The following IER5L variants were observed in gnomAD, a reference collection of about 807,000 sequenced individuals.
IER5L encodes immediate early response gene 5-like protein.
In IER5L, 6 loss-of-function variants were observed where a neutral mutation model predicts 28.3. The observed-to-expected ratio is 0.21, with a 90% CI of 0.12 to 0.42. IER5L has a LOEUF of 0.42. Among genes scored for constraint, IER5L ranks in the 10% least tolerant of loss-of-function variants. The pLI, the probability that IER5L is intolerant of heterozygous loss-of-function variation, is 1.00. For synonymous variants in IER5L, 351 were observed against 282.5 expected (o/e 1.24, Z -2.43); for missense variants, 607 against 575.2 (o/e 1.06, Z -0.56).
chr9:129,178,188 C>G lies in IER5L; in HGVS notation c.-136G>C, dbSNP rs1400628598. The G allele has an allele frequency of 1.5e-6, 1 of 686,730 alleles. No homozygotes were observed. The highest frequency in any genetic ancestry group is 3.5e-5 in the East Asian group (1 of 28,918). The allele number at this position is 686,730 out of a possible 1,614,324, so 42.5% of individuals were successfully genotyped here. On this transcript the variant is annotated 5_prime_UTR_variant, in exon 1 of 1. Coordinates refer to ENST00000372491, the MANE Select transcript of IER5L (RefSeq NM_203434.3). ...CCGGGTCAGAGGTTCGGCTGCGCTC[C>G]GAAAGGAGCCGCCACCATGCGCCGC... is the stretch of plus-strand genomic sequence containing the variant.
chr9:129,177,064 G>A lies in IER5L; in HGVS notation c.989C>T (p.Pro330Leu), dbSNP rs1289480906. 5 of 1,512,420 alleles carry A rather than the reference G, an allele frequency of 3.3e-6. No individual in the cohort carries two copies. The Admixed American group carries it at 8.9e-5, about 27-fold the overall frequency. The allele number at this position is 1,512,420 out of a possible 1,614,324, so 93.7% of individuals were successfully genotyped here. The change falls in exon 1 of 1, where the codon CCG (proline) becomes CTG (leucine). Residue 330 changes from proline (P) to leucine (L), a missense_variant. Pro to Leu is a moderately conservative substitution (Grantham distance 98, BLOSUM62 -3). Coordinates refer to ENST00000372491, the MANE Select transcript of IER5L (RefSeq NM_203434.3). ...GLGAEPPGGA[P>L]FAPCKRARFE... ...GCGGGCGCGCTTGCAGGGGGCGAAC[G>A]GGGCGCCCCCGGGGGGCTCGGCCCC...
Position 129,176,577 on chromosome 9 carries a change from T to TA in IER5L, c.*260dup. On this transcript the variant is annotated 3_prime_UTR_variant, in exon 1 of 1. Transcript: ENST00000372491. ...CTAAACACCACTGCAATCACTACAA[T>TA]AAAAAGAAAAAAAGGAGTAGGAGAA... 1 of 318,302 alleles carries TA rather than the reference T, an allele frequency of 3.1e-6. No homozygotes were observed. The highest frequency in any genetic ancestry group is 5.5e-6 in the Non-Finnish European group (1 of 183,076). The allele number at this position is 318,302 out of a possible 1,614,324, so 19.7% of individuals were successfully genotyped here.
In IER5L at chr9:129,178,222, C is replaced by G. The variant is rs1005971860; in HGVS notation, c.-170G>C. ...CCGCCACCATGCGCCGCGCGCCACCCGCGGGCTCGCGCTCCCCAGACGGCG... is the reference window on the plus strand; with the variant it reads ...CCGCCACCATGCGCCGCGCGCCACCGGCGGGCTCGCGCTCCCCAGACGGCG... On this transcript the variant is annotated 5_prime_UTR_variant, in exon 1 of 1. Transcript: ENST00000372491. 8.2e-6 allele frequency: 4 copies of G among 489,166 alleles called. No individual in the cohort carries two copies. The highest frequency in any genetic ancestry group is 1.2e-4 in the South Asian group (2 of 16,818). The allele number at this position is 489,166 out of a possible 1,614,324, so 30.3% of individuals were successfully genotyped here. A position where few individuals can be genotyped will look rare whatever the true frequency, so the allele number is the denominator to read the frequency against.
chr9:129,177,862 T>C lies in IER5L; in HGVS notation c.191A>G (p.Gln64Arg). 1 of 1,542,166 alleles carries C rather than the reference T, an allele frequency of 6.5e-7. No homozygotes were observed. The highest frequency in any genetic ancestry group is 8.7e-7 in the Non-Finnish European group (1 of 1,144,598). Residue 64 changes from glutamine to arginine, a missense_variant, in exon 1 of 1, where the codon CAG becomes CGG. Transcript: ENST00000372491. ...GTGCTGGTGGTGGGGCGGCTGCTGC[T>C]GTTGCTGCTGCTGCTGGCGCCGGTA... is the stretch of plus-strand genomic sequence containing the variant. The part of the protein sequence containing the change: ...ELYRRQQQQQ[Q>R]QQPPHHQHQH...
Position 129,178,193 on chromosome 9 carries a change from G to A in IER5L, c.-141C>T, listed in dbSNP as rs1332989647. On this transcript the variant is annotated 5_prime_UTR_variant, in exon 1 of 1. Transcript: ENST00000372491. Reference sequence around the variant, plus strand: ...TCAGAGGTTCGGCTGCGCTCCGAAAGGAGCCGCCACCATGCGCCGCGCGCC... The same window carrying A: ...TCAGAGGTTCGGCTGCGCTCCGAAAAGAGCCGCCACCATGCGCCGCGCGCC... 6.0e-5 allele frequency: 41 copies of A among 679,438 alleles called. No homozygotes were observed. In the South Asian group the frequency reaches 8.6e-4, roughly 14 times the overall value. 42.1% of individuals were successfully genotyped at this position (679,438 alleles called of 1,614,324 possible).
Position 129,178,111 on chromosome 9 carries a change from T to C in IER5L, c.-59A>G. Reference sequence around the variant, plus strand: ...CCGCTGCTGCTGTTAACGCTTCTGCTGTTTCTGCCTCCAGCCGGCCGCCGG... The same window carrying C: ...CCGCTGCTGCTGTTAACGCTTCTGCCGTTTCTGCCTCCAGCCGGCCGCCGG... On this transcript the variant is annotated 5_prime_UTR_variant, in exon 1 of 1. Transcript: ENST00000372491. 2 of 1,324,040 alleles carry C rather than the reference T, an allele frequency of 1.5e-6. No homozygotes were observed. Among genetic ancestry groups the C allele is most frequent in the Non-Finnish European group, 1.9e-6 (2 of 1,029,436 alleles). 82.0% of individuals were successfully genotyped at this position (1,324,040 alleles called of 1,614,324 possible).
chr9:129,177,303 G>A lies in IER5L; in HGVS notation c.750C>T (p.Cys250=), dbSNP rs1207616013. 3 of 1,443,046 alleles carry A rather than the reference G, an allele frequency of 2.1e-6. No homozygotes were observed. Among genetic ancestry groups the A allele is most frequent in the Non-Finnish European group, 2.7e-6 (3 of 1,103,304 alleles). 89.4% of individuals were successfully genotyped at this position (1,443,046 alleles called of 1,614,324 possible). ...YPTPSDFGLH[C]SSQTTVLDLD... ...GGTCCAGCACGGTGGTCTGGCTGCT[G>A]CAGTGCAAGCCGAAGTCCGAAGGGG... Residue 250 remains cysteine, a synonymous_variant, in exon 1 of 1, where the codon TGC becomes TGT. Coordinates refer to ENST00000372491, the MANE Select transcript of IER5L (RefSeq NM_203434.3).
Position 129,176,978 on chromosome 9 carries a change from T to TG in IER5L, c.1074dup (p.Ile359HisfsTer84). On this transcript the variant is annotated frameshift_variant, in exon 1 of 1. Transcript: ENST00000372491. LOFTEE classifies it high-confidence loss of function. ...AGCCCCGAGAAGCCGGAGCCAAAGA[T>TG]GGAGATCAAGTTTGAGATGTTGGAC... 1 of 1,601,744 alleles carries TG rather than the reference T, an allele frequency of 6.2e-7. No homozygotes were observed. The highest frequency in any genetic ancestry group is 8.5e-7 in the Non-Finnish European group (1 of 1,175,630).
rs1298579311 is a variant in IER5L at position 129,176,664 on chromosome 9, ATT to A, written c.*172_*173del. Reference sequence around the variant, plus strand: ...GCAAAAATAAAGTCCAAGATTTTAGATTTCTTTTTTTTTTATTTTACAATTTA... The same window carrying A: ...GCAAAAATAAAGTCCAAGATTTTAGATCTTTTTTTTTTATTTTACAATTTA... On this transcript the variant is annotated 3_prime_UTR_variant, in exon 1 of 1. Coordinates refer to ENST00000372491, the MANE Select transcript of IER5L (RefSeq NM_203434.3). 2.2e-6 allele frequency: 2 copies of A among 902,270 alleles called. No individual in the cohort carries two copies. The highest frequency in any genetic ancestry group is 2.8e-5 in the South Asian group (1 of 35,236). The allele number at this position is 902,270 out of a possible 1,614,324, so 55.9% of individuals were successfully genotyped here. A position where few individuals can be genotyped will look rare whatever the true frequency, so the allele number is the denominator to read the frequency against.
chr9:129,176,218 T>C lies in IER5L; in HGVS notation c.*620A>G, dbSNP rs973254226. On this transcript the variant is annotated 3_prime_UTR_variant, in exon 1 of 1. Transcript: ENST00000372491. The stretch of plus-strand genomic sequence containing the variant: ...CCCCGGGAAGAAAAGAAAAAAAAAG[T>C]TGAAGTGTTTTCATTTCTGCCTTCT... The C allele has an allele frequency of 6.6e-6, 1 of 152,048 alleles. No homozygotes were observed. Among genetic ancestry groups the C allele is most frequent in the African/African-American group, 2.4e-5 (1 of 41,388 alleles). 9.4% of individuals were successfully genotyped at this position (152,048 alleles called of 1,614,324 possible). A position where few individuals can be genotyped will look rare whatever the true frequency, so the allele number is the denominator to read the frequency against.
rs33956878 is a variant in IER5L, at chr9:129,176,079, C to CAA, written c.*758_*759insTT. 4.0e-3 allele frequency: 1 copy of CAA among 248 alleles called. No individual in the cohort carries two copies. The highest frequency in any genetic ancestry group is 0.013 in the Non-Finnish European group (1 of 78). The allele number at this position is 248 out of a possible 1,614,324, so 0.0% of individuals were successfully genotyped here. A position where few individuals can be genotyped will look rare whatever the true frequency, so the allele number is the denominator to read the frequency against. On this transcript the variant is annotated 3_prime_UTR_variant, in exon 1 of 1. Coordinates refer to ENST00000372491, the MANE Select transcript of IER5L (RefSeq NM_203434.3). ...CCGTGCCCGCCCCCCACCCCTTACC[C>CAA]AGTGTCCGAGAGTGTCGGGGTGTCA...
rs1107185 is a variant in IER5L at position 129,178,152 on chromosome 9, G to C, written c.-100C>G. 5,690 of 1,049,286 alleles carry C rather than the reference G, an allele frequency of 5.4e-3. 223 individuals carry two copies. The African/African-American group carries it at 0.086, about 16-fold the overall frequency. The allele number at this position is 1,049,286 out of a possible 1,614,324, so 65.0% of individuals were successfully genotyped here. On this transcript the variant is annotated 5_prime_UTR_variant, in exon 1 of 1. Coordinates refer to ENST00000372491, the MANE Select transcript of IER5L (RefSeq NM_203434.3). The stretch of plus-strand genomic sequence containing the variant: ...CGGCCGCCGGGGCGCGCCGGGCAGG[G>C]GTAACGGAGTCCGGGTCAGAGGTTC...
chr9:129,176,894 C>A lies in IER5L; in HGVS notation c.1159G>T (p.Ala387Ser), dbSNP rs1219472149. The stretch of plus-strand genomic sequence containing the variant: ...CCGAGGCTGGCGAGCGCCTGCTTGG[C>A]GCACAGCTGCCCGTTGAGCGGCGGC... ...QPPPLNGQLC[A>S]KQALASLGAW... The change falls in exon 1 of 1, where the codon GCC becomes TCC. Residue 387 changes from alanine (A) to serine (S), a missense_variant. Transcript: ENST00000372491. 2.5e-6 allele frequency: 4 copies of A among 1,603,402 alleles called. No homozygotes were observed. In the Admixed American group the frequency reaches 5.0e-5, roughly 20 times the overall value.
Position 129,178,047 on chromosome 9 carries a change from C to A in IER5L, c.6G>T (p.Glu2Asp). The change falls in exon 1 of 1, where the codon GAG becomes GAT. Residue 2 changes from glutamate (E) to aspartate (D), a missense_variant. Coordinates refer to ENST00000372491, the MANE Select transcript of IER5L (RefSeq NM_203434.3). MECALDAQSLIS... is the reference protein window; with the variant it reads MDCALDAQSLIS... ...TCAGGCTCTGGGCGTCCAGGGCGCACTCCATGCTCCCGCGGAGACGGCGGC... is the reference window on the plus strand; with the variant it reads ...TCAGGCTCTGGGCGTCCAGGGCGCAATCCATGCTCCCGCGGAGACGGCGGC... 6.9e-7 allele frequency: 1 copy of A among 1,459,446 alleles called. No homozygotes were observed. 90.4% of individuals were successfully genotyped at this position (1,459,446 alleles called of 1,614,324 possible).
At position 129,175,665 on chromosome 9, in the gene IER5L, A is replaced by T. The variant is rs958252891; in HGVS notation, c.*1173T>A. 6.6e-6 allele frequency: 1 copy of T among 152,264 alleles called. No individual in the cohort carries two copies. The highest frequency in any genetic ancestry group is 1.5e-5 in the Non-Finnish European group (1 of 68,074). The allele number at this position is 152,264 out of a possible 1,614,324, so 9.4% of individuals were successfully genotyped here. ...ACAGGGTAATGAGGGAAAAGGGCCG[A>T]GAAAGGAAGGATTGGCAACTCGTTT... is the stretch of plus-strand genomic sequence containing the variant. On this transcript the variant is annotated 3_prime_UTR_variant, in exon 1 of 1. Coordinates refer to ENST00000372491, the MANE Select transcript of IER5L (RefSeq NM_203434.3). The surrounding 1 kb of genome is among the most constrained non-coding windows in gnomAD (Gnocchi z 5.2).
Position 129,177,702 on chromosome 9 carries a change from G to A in IER5L, c.351C>T (p.Leu117=). 7.1e-7 allele frequency: 1 copy of A among 1,406,320 alleles called. No homozygotes were observed. Among genetic ancestry groups the A allele is most frequent in the Admixed American group, 2.7e-5 (1 of 37,118 alleles). 87.1% of individuals were successfully genotyped at this position (1,406,320 alleles called of 1,614,324 possible). A position where few individuals can be genotyped will look rare whatever the true frequency, so the allele number is the denominator to read the frequency against. ...GCTGCTGCTGGAGGTGCAGCTGGTG[G>A]AGCTGGTGGAGCTGGTGCAGCTGGT... The part of the protein sequence containing the change: ...ARHQLHQLHQ[L]HQLHLQQQLH... Residue 117 remains leucine, a synonymous_variant, in exon 1 of 1, where the codon CTC becomes CTT. Coordinates refer to ENST00000372491, the MANE Select transcript of IER5L (RefSeq NM_203434.3).
In IER5L at chr9:129,177,624, G is replaced by A; in HGVS notation, c.429C>T (p.Ala143=). Residue 143 remains alanine, a synonymous_variant, in exon 1 of 1, where the codon GCC becomes GCT. Coordinates refer to ENST00000372491, the MANE Select transcript of IER5L (RefSeq NM_203434.3). ...APRGCAAAAA[A]GAPAGGAGAL... ...CCCCCGCGCCGCCCGCGGGCGCTCC[G>A]GCCGCCGCCGCCGCCGCGCAGCCCC... 1 of 1,138,052 alleles carries A rather than the reference G, an allele frequency of 8.8e-7. No homozygotes were observed. The highest frequency in any genetic ancestry group is 4.8e-5 in the East Asian group (1 of 20,732). The allele number at this position is 1,138,052 out of a possible 1,614,324, so 70.5% of individuals were successfully genotyped here. A position where few individuals can be genotyped will look rare whatever the true frequency, so the allele number is the denominator to read the frequency against.
At position 129,177,761 on chromosome 9, in the gene IER5L, C is replaced by A. The variant is rs1305452770; in HGVS notation, c.292G>T (p.Gly98Trp). The A allele has an allele frequency of 6.2e-6, 9 of 1,456,446 alleles. No homozygotes were observed. The Admixed American group carries it at 1.8e-4, about 29-fold the overall frequency. The allele number at this position is 1,456,446 out of a possible 1,614,324, so 90.2% of individuals were successfully genotyped here. A position where few individuals can be genotyped will look rare whatever the true frequency, so the allele number is the denominator to read the frequency against. Reference protein sequence around the residue: ...DFGPLQLGGGGDAEAREPAAR... With the variant: ...DFGPLQLGGGWDAEAREPAAR... ...GCCGGCTCGCGCGCCTCCGCGTCCC[C>A]GCCGCCGCCAAGTTGGAGCGGGCCG... Residue 98 changes from glycine (G) to tryptophan (W), a missense_variant, in exon 1 of 1, where the codon GGG (glycine) becomes TGG (tryptophan). Physicochemically the swap from Gly to Trp is radical, Grantham distance 184 (BLOSUM62 -2). Coordinates refer to ENST00000372491, the MANE Select transcript of IER5L (RefSeq NM_203434.3).
chr9:129,176,875 C>T lies in IER5L; in HGVS notation c.1178G>A (p.Ser393Asn). ...AATGGCTCGAGTCCAGGCGCCGAGG[C>T]TGGCGAGCGCCTGCTTGGCGCACAG... ...GQLCAKQALA[S>N]LGAWTRAIVA... is the part of the protein sequence containing the mutation. Residue 393 changes from serine to asparagine, a missense_variant, in exon 1 of 1, where the codon AGC becomes AAC. Ser to Asn is a conservative substitution (Grantham distance 46). Transcript: ENST00000372491. The T allele has an allele frequency of 6.3e-7, 1 of 1,598,588 alleles. No individual in the cohort carries two copies. The highest frequency in any genetic ancestry group is 8.5e-7 in the Non-Finnish European group (1 of 1,174,164).
Sources: gnomAD v4.1 joint callset for allele counts on GRCh38, gnomAD v4.1.1 for gene constraint, Gnocchi (gnomAD v3.1) non-coding constraint, MANE v1.5 for transcripts, NCBI Gene and HGNC (gene_info 2026-07-23, HGNC 2026-07-21) for gene names.